ALAS1: variants seen among roughly 807,000 people sequenced by gnomAD.
The protein encoded by ALAS1 is 5-aminolevulinate synthase, non-specific, mitochondrial.
In ALAS1, 29 loss-of-function variants were observed where a neutral mutation model predicts 59.6. That is an observed-to-expected ratio of 0.49 (90% CI 0.36 to 0.66). ALAS1 has a LOEUF of 0.66. Among genes scored for constraint, ALAS1 ranks in the 30% least tolerant of loss-of-function variants. ALAS1 has a pLI of 0.00. For missense variants in ALAS1, 690 were observed against 807.5 expected, an observed-to-expected ratio of 0.85 and a Z score of 1.76; for synonymous variants, 299 against 296.6, an observed-to-expected ratio of 1.01 and a Z score of -0.08.
In ALAS1 at chr3:52,202,547, T is replaced by C. The variant is rs1699208635; in HGVS notation, c.240T>C (p.Asp80=). Reference sequence around the variant, plus strand: ...AGGCCAAGGTCCAACAGACTCCTGATGGATCCCAGCAGAGTCCAGATGGCA... The same window carrying C: ...AGGCCAAGGTCCAACAGACTCCTGACGGATCCCAGCAGAGTCCAGATGGCA... ...TAKAKVQQTP[D]GSQQSPDGTQ... The change falls in exon 4 of 12, where the codon GAT becomes GAC. Residue 80 remains aspartate, a synonymous_variant. Transcript: ENST00000484952. 1 of 1,614,188 alleles carries C rather than the reference T, an allele frequency of 6.2e-7. No individual in the cohort carries two copies. The highest frequency in any genetic ancestry group is 8.5e-7 in the Non-Finnish European group (1 of 1,180,024).
In ALAS1 at chr3:52,198,797, C is replaced by T. The variant is rs935628303; in HGVS notation, c.-84C>T. The stretch of plus-strand genomic sequence containing the variant: ...TGGGGACCAGGAGAAAGTCAGGATC[C>T]CTAAGAGTCTTCCCTGCCTGGATGG... On this transcript the variant is annotated 5_prime_UTR_variant, in exon 2 of 12. Transcript: ENST00000484952. 1.2e-5 allele frequency: 18 copies of T among 1,535,662 alleles called. No individual in the cohort carries two copies. The highest frequency in any genetic ancestry group is 1.5e-5 in the Non-Finnish European group (17 of 1,146,878).
chr3:52,202,571 C>T lies in ALAS1; in HGVS notation c.264C>T (p.Gly88=). The T allele has an allele frequency of 6.2e-7, 1 of 1,614,202 alleles. No individual in the cohort carries two copies. Among genetic ancestry groups the T allele is most frequent in the African/African-American group, 1.3e-5 (1 of 75,042 alleles). ...TPDGSQQSPD[G]TQLPSGHPLP... ...ATGGATCCCAGCAGAGTCCAGATGG[C>T]ACACAGCTTCCGTCTGGACACCCCT... The change falls in exon 4 of 12, where the codon GGC becomes GGT. Residue 88 remains glycine, a synonymous_variant. Transcript: ENST00000484952.
rs144527701 is a variant in ALAS1 at position 52,207,698 on chromosome 3, G to A, written c.1166-385G>A. ...CCTTCTTTGTGTCCATGTGTTCTCA[G>A]TGTTTAGCTCCCACTTATAAGTGAG... On this transcript the variant is annotated intron_variant, in intron 8 of 11. Transcript: ENST00000484952. 3.8e-3 allele frequency among the ~76,000 whole-genome samples: 576 copies of A among 152,192 alleles called. 4 individuals are homozygous for A. Among genetic ancestry groups the A allele is most frequent in the South Asian group, 0.027 (128 of 4,818 alleles).
In ALAS1 at chr3:52,198,234, G is replaced by A; in HGVS notation, c.-231G>A. 7.5e-6 allele frequency: 3 copies of A among 398,886 alleles called. No individual in the cohort carries two copies. The highest frequency in any genetic ancestry group is 2.1e-5 in the African/African-American group (1 of 48,750). 24.7% of individuals were successfully genotyped at this position (398,886 alleles called of 1,614,324 possible). On this transcript the variant is annotated 5_prime_UTR_variant, in exon 1 of 12. Coordinates refer to ENST00000484952, the MANE Select transcript of ALAS1 (RefSeq NM_000688.6). The stretch of plus-strand genomic sequence containing the variant: ...TTGAGTGCCCGCCTCCTTCGCCGCC[G>A]CCTCTGCAGTCCTCAGCGCAGGTGA...
chr3:52,212,932 T>G (rs1171337138), intron 11 of ALAS1, among the ~76,000 whole-genome samples: 2 of 152,282 alleles, frequency 1.3e-5, no homozygotes, highest in African/African-American at 4.8e-5. Context: ...AGAGTCATTT[T>G]GGGAGCTCTG....
At chr3:52,204,619 A>G (rs1300398637) in intron 5 of ALAS1, 74 bp from the exon 6 acceptor site, 1 of 1,276,966 alleles carries the variant, frequency 7.8e-7, no homozygotes, top group Middle Eastern at 1.9e-4. Flanking sequence ...CCAAGCTGAG[A>G]CTTGTTGTAT....
chr3:52,199,597 C>T (rs1699145352), intron 3 of ALAS1, among the ~76,000 whole-genome samples, 157 bp downstream of exon 3: 1 of 152,138 alleles, frequency 6.6e-6, no homozygotes, highest in Non-Finnish European at 1.5e-5. Context: ...TATGATTGTC[C>T]CCCCAAGGGT....
At chr3:52,213,869 G>C (rs543171404) in intron 11 of ALAS1, 151 bp from the exon 12 acceptor site, 1 of 676,380 alleles carries the variant, frequency 1.5e-6, no homozygotes, top group Admixed American at 3.0e-5. Flanking sequence ...TTGTTTATCC[G>C]TCTATTGGTG....
upstream of ALAS1, chr3:52,198,131 T>C: frequency 2.5e-6 from 1 of 398,154 alleles, no homozygotes; most frequent in Admixed American, 4.4e-5. Context: ...ACTCCCGCTG[T>C]ATATTAAGGC....
chr3:52,199,524 G>A lies in ALAS1; in HGVS notation c.199+84G>A, dbSNP rs548048686. The A allele has an allele frequency of 5.2e-5, 68 of 1,313,848 alleles. 1 individual carries two copies. The East Asian group carries it at 1.1e-3, about 21-fold the overall frequency. The allele number at this position is 1,313,848 out of a possible 1,614,324, so 81.4% of individuals were successfully genotyped here. A position where few individuals can be genotyped will look rare whatever the true frequency, so the allele number is the denominator to read the frequency against. On this transcript the variant is annotated intron_variant, in intron 3 of 11. Coordinates refer to ENST00000484952, the MANE Select transcript of ALAS1 (RefSeq NM_000688.6). ...GAAGCAGTCCCCACAGTGGTGGTGA[G>A]GGTCACACTCACTCACAGAGGGCTG...
Position 52,202,608 on chromosome 3 carries a change from A to G in ALAS1, c.301A>G (p.Ser101Gly), listed in dbSNP as rs751005710. The change falls in exon 4 of 12, where the codon AGC becomes GGC. Residue 101 changes from serine (S) to glycine (G), a missense_variant. Physicochemically the swap from Ser to Gly is moderately conservative, Grantham distance 56 (BLOSUM62 0). Coordinates refer to ENST00000484952, the MANE Select transcript of ALAS1 (RefSeq NM_000688.6). Reference protein sequence around the residue: ...LPSGHPLPATSQGTASKCPFL... With the variant: ...LPSGHPLPATGQGTASKCPFL... ...GTCTGGACACCCCTTGCCTGCCACAAGCCAGGGCACTGCAAGCAAATGCCC... is the reference window on the plus strand; with the variant it reads ...GTCTGGACACCCCTTGCCTGCCACAGGCCAGGGCACTGCAAGCAAATGCCC... 38 of 1,614,080 alleles carry G rather than the reference A, an allele frequency of 2.4e-5. No homozygotes were observed. In the East Asian group the frequency reaches 8.2e-4, roughly 35 times the overall value.
In ALAS1 at chr3:52,213,980, A is replaced by G. The variant is rs752482284; in HGVS notation, c.1763-40A>G. 5.1e-6 allele frequency: 8 copies of G among 1,568,212 alleles called. No individual in the cohort carries two copies. In the Admixed American group the frequency reaches 8.6e-5, roughly 17 times the overall value. ...ACATATGTTTTCATTTCTCTTGTGT[A>G]TATTACTCCCTTTAATATTTAAAAA... On this transcript the variant is annotated intron_variant, in intron 11 of 11. Transcript: ENST00000484952.
chr3:52,206,165 G>T, intron 7 of ALAS1, 142 bp downstream of exon 7: 1 of 822,196 alleles, frequency 1.2e-6, no homozygotes. Flanking sequence ...GGTCAAGCAT[G>T]AAATGCTGAC....
At position 52,208,925 on chromosome 3, in the gene ALAS1, G is replaced by A. The variant is rs780508494; in HGVS notation, c.1330+678G>A. ...GAACCTATGAGAACCCTAAAGAGAC[G>A]AAAATTACATAAATTTGAAGAATTT... is the stretch of plus-strand genomic sequence containing the variant. On this transcript the variant is annotated intron_variant, in intron 9 of 11. Coordinates refer to ENST00000484952, the MANE Select transcript of ALAS1 (RefSeq NM_000688.6). Among the ~76,000 whole-genome samples, 6 of 152,288 alleles carry A rather than the reference G, an allele frequency of 3.9e-5. No homozygotes were observed. The East Asian group carries it at 5.8e-4, about 15-fold the overall frequency.
chr3:52,213,987 T>C, intron 11 of ALAS1, 33 bp from the exon 12 acceptor site: 1 of 1,578,388 alleles, frequency 6.3e-7, no homozygotes, highest in Non-Finnish European at 8.7e-7. Flanking sequence ...TGTATATTAC[T>C]CCCTTTAATA....
intron 11 of ALAS1, 92 bp downstream of exon 11, chr3:52,212,512 A>G: frequency 6.7e-7 from 1 of 1,487,072 alleles, no homozygotes; most frequent in Non-Finnish European, 9.3e-7. Flanking sequence ...AGAGGCATTC[A>G]GATTTGTTTC....
Position 52,211,983 on chromosome 3 carries a change from G to A in ALAS1, c.1600-275G>A, listed in dbSNP as rs1445983460. 2.0e-5 allele frequency among the ~76,000 whole-genome samples: 3 copies of A among 152,208 alleles called. No individual in the cohort carries two copies. The East Asian group carries it at 5.8e-4, about 29-fold the overall frequency. ...ACTGAATCTAGATTATACATCGTGGGTATGAGAGTCTGCTGGTACGAACAG... is the reference window on the plus strand; with the variant it reads ...ACTGAATCTAGATTATACATCGTGGATATGAGAGTCTGCTGGTACGAACAG... On this transcript the variant is annotated intron_variant, in intron 10 of 11. Transcript: ENST00000484952.
At position 52,211,361 on chromosome 3, in the gene ALAS1, G is replaced by A. The variant is rs760492620; in HGVS notation, c.1409G>A (p.Gly470Asp). Residue 470 changes from glycine (G) to aspartate (D), a missense_variant, in exon 10 of 12, where the codon GGC (glycine) becomes GAC (aspartate). Coordinates refer to ENST00000484952, the MANE Select transcript of ALAS1 (RefSeq NM_000688.6). Reference sequence around the variant, plus strand: ...GACACCGTACGGTCCTATGCTGCTGGCTTCATCTTCACCACCTCTCTGCCA... The same window carrying A: ...GACACCGTACGGTCCTATGCTGCTGACTTCATCTTCACCACCTCTCTGCCA... ...LIDTVRSYAA[G>D]FIFTTSLPPM... is the part of the protein sequence containing the mutation. 5 of 1,614,080 alleles carry A rather than the reference G, an allele frequency of 3.1e-6. No individual in the cohort carries two copies. The highest frequency in any genetic ancestry group is 4.2e-6 in the Non-Finnish European group (5 of 1,180,048).
rs1380470462 is a variant in ALAS1, at chr3:52,204,813, A to T, written c.698A>T (p.Asp233Val). The T allele has an allele frequency of 1.2e-6, 2 of 1,614,250 alleles. No individual in the cohort carries two copies. The highest frequency in any genetic ancestry group is 2.2e-5 in the East Asian group (1 of 44,892). Reference protein sequence around the residue: ...NRRAHIFPMADDYSDSLITKK... With the variant: ...NRRAHIFPMAVDYSDSLITKK... ...CGAGCACACATCTTCCCCATGGCAG[A>T]TGACTATTCAGACTCCCTCATCACC... is the stretch of plus-strand genomic sequence containing the variant. The change falls in exon 6 of 12, where the codon GAT becomes GTT. Residue 233 changes from aspartate (D) to valine (V), a missense_variant. Asp to Val is a radical substitution (Grantham distance 152). Coordinates refer to ENST00000484952, the MANE Select transcript of ALAS1 (RefSeq NM_000688.6).
Sources: allele counts gnomAD v4.1 joint callset (sites outside exome capture counted in the v4.1 genomes callset), GRCh38; gene constraint gnomAD v4.1.1; transcripts MANE v1.5; gene names NCBI Gene and HGNC (gene_info 2026-07-23, HGNC 2026-07-21).